The following WLS variants were observed in gnomAD, a reference collection of about 807,000 sequenced individuals.
WLS encodes the protein Wnt ligand secretion mediator.
WLS carries 23 observed loss-of-function variants against 62.8 expected under a neutral mutation model. That is an observed-to-expected ratio of 0.37 (90% confidence interval 0.26 to 0.52). The LOEUF is 0.52. Ranked by LOEUF, WLS falls within the 20% of genes least tolerant of loss-of-function variation. The pLI, the probability that WLS is intolerant of heterozygous loss-of-function variation, is 0.92. For synonymous variants in WLS, 246 were observed against 244.1 expected (o/e 1.01, Z -0.07); for missense variants, 615 against 697.3 (o/e 0.88, Z 1.33).
At chr1:68,130,321 A>G (rs1191515614) in intron 11 of WLS, among the ~76,000 whole-genome samples, 4 of 152,160 alleles carry the variant, frequency 2.6e-5, no homozygotes, top group African/African-American at 9.7e-5. Context: ...CATCCTCACC[A>G]CTACCAATGC....
chr1:68,173,509 C>T (rs2100547383), intron 2 of WLS, among the ~76,000 whole-genome samples: 1 of 152,266 alleles, frequency 6.6e-6, no homozygotes, highest in South Asian at 2.1e-4. Context: ...AGACTGACAG[C>T]TGCATTGTCA....
intron 1 of WLS, among the ~76,000 whole-genome samples, chr1:68,231,200 GT>G (rs1391310048): frequency 1.3e-5 from 2 of 152,270 alleles, no homozygotes; most frequent in South Asian, 2.1e-4. Context: ...GGGGAAGGGA[GT>G]TTTTCCGAGT....
At chr1:68,182,171 T>A (rs12133637) in intron 2 of WLS, among the ~76,000 whole-genome samples, 8,353 of 152,322 alleles carry the variant, frequency 0.055, 270 homozygotes, top group East Asian at 0.13. Context: ...AATTTTAAAA[T>A]CTTGGAAAGG....
At chr1:68,164,327 C>T (rs890785160) in intron 2 of WLS, among the ~76,000 whole-genome samples, 14 of 151,762 alleles carry the variant, frequency 9.2e-5, no homozygotes, top group Non-Finnish European at 1.9e-4. Context: ...GGCATGATCT[C>T]GGCTCACTGC....
At chr1:68,219,333 TATTTCTCACTA>T (rs1359013376) in intron 1 of WLS, among the ~76,000 whole-genome samples, 2 of 152,194 alleles carry the variant, frequency 1.3e-5, no homozygotes, top group African/African-American at 4.8e-5. Context: ...GTTCAAACCT[TATTTCTCACTA>T]TGTCTTCCTT....
intron 11 of WLS, chr1:68,127,128 T>C (rs778192954): frequency 5.0e-6 from 2 of 400,302 alleles, no homozygotes; most frequent in South Asian, 3.5e-5. Context: ...ACAGGAATTC[T>C]AGGCTGCAGT....
chr1:68,171,060 T>C (rs533970690), intron 2 of WLS, among the ~76,000 whole-genome samples: 1 of 152,164 alleles, frequency 6.6e-6, no homozygotes, highest in South Asian at 2.1e-4. Context: ...CCTGCCTTTT[T>C]ACTTCTACTC....
chr1:68,129,751 T>C (rs1356237336), intron 11 of WLS, among the ~76,000 whole-genome samples: 2 of 152,184 alleles, frequency 1.3e-5, no homozygotes, highest in Non-Finnish European at 1.5e-5. Flanking sequence ...CATCTGTTAG[T>C]TTCCCCCTCT....
At chr1:68,212,789 A>G (rs958439662) in intron 1 of WLS, among the ~76,000 whole-genome samples, 1 of 152,246 alleles carries the variant, frequency 6.6e-6, no homozygotes, top group Non-Finnish European at 1.5e-5. Flanking sequence ...AGTAGGTTAC[A>G]GATGAGACAG....
At chr1:68,206,659 T>C (rs990304629) in intron 1 of WLS, among the ~76,000 whole-genome samples, 6 of 152,248 alleles carry the variant, frequency 3.9e-5, no homozygotes, top group African/African-American at 1.4e-4. Context: ...CTTGGCAGAA[T>C]AAATTATCCC....
chr1:68,139,463 G>C (rs1646657318), intron 10 of WLS, among the ~76,000 whole-genome samples: 1 of 152,196 alleles, frequency 6.6e-6, no homozygotes, highest in African/African-American at 2.4e-5. Context: ...GGTACCTGCT[G>C]TCATAACACA....
intron 1 of WLS, among the ~76,000 whole-genome samples, chr1:68,200,567 CTT>C (rs35756608): frequency 0.014 from 1,951 of 135,772 alleles, 54 homozygotes; most frequent in African/African-American, 0.049. Flanking sequence ...CCAGCTATTG[CTT>C]TTTTTTTTTT....
intron 1 of WLS, among the ~76,000 whole-genome samples, chr1:68,197,102 C>T (rs1648708664): frequency 1.3e-5 from 2 of 152,096 alleles, no homozygotes; most frequent in Middle Eastern, 3.4e-3. Flanking sequence ...TTTTTACCTT[C>T]TTGAAAAACA....
chr1:68,131,144 C>T (rs1229497347), intron 11 of WLS, among the ~76,000 whole-genome samples: 1 of 150,488 alleles, frequency 6.6e-6, no homozygotes, highest in Non-Finnish European at 1.5e-5. Context: ...ATCTCCTGAC[C>T]TTGTGATCCA....
downstream of WLS, among the ~76,000 whole-genome samples, chr1:68,124,087 C>T (rs1030465915): frequency 1.4e-4 from 21 of 152,190 alleles, no homozygotes; most frequent in African/African-American, 4.6e-4. Flanking sequence ...TGAAATTTGA[C>T]TCTGATCGAT....
intron 2 of WLS, among the ~76,000 whole-genome samples, chr1:68,184,559 A>C (rs940100731): frequency 6.6e-6 from 1 of 152,232 alleles, no homozygotes. Context: ...TCCAGACTCT[A>C]AATGTTAAGG....
chr1:68,119,549 C>T (rs1004427579), intron 11 of WLS, among the ~76,000 whole-genome samples: 2 of 152,198 alleles, frequency 1.3e-5, no homozygotes, highest in Non-Finnish European at 1.5e-5. Context: ...AGTGGAGTGG[C>T]TCTCTCTCAC....
chr1:68,211,832 G>C (rs1032402611), intron 1 of WLS, among the ~76,000 whole-genome samples: 2 of 152,160 alleles, frequency 1.3e-5, no homozygotes, highest in Non-Finnish European at 2.9e-5. Flanking sequence ...ACACCTGACA[G>C]CTTTCAAATC....
chr1:68,175,458 A>G (rs1362309993), intron 2 of WLS, among the ~76,000 whole-genome samples: 1 of 152,256 alleles, frequency 6.6e-6, no homozygotes, highest in East Asian at 1.9e-4. Context: ...CTTGCTCTAA[A>G]AAGGCCACTA....
Sources: gnomAD v4.1 joint callset for allele counts (sites outside exome capture counted in the v4.1 genomes callset) on GRCh38, gnomAD v4.1.1 for gene constraint, MANE v1.5 for transcripts, NCBI Gene and HGNC (gene_info 2026-07-23, HGNC 2026-07-21) for gene names.